The following BTBD9 variants were observed in gnomAD, a reference collection of about 807,000 sequenced individuals.
BTBD9 encodes the protein BTB/POZ domain-containing protein 9.
Under a neutral mutation model 64.3 loss-of-function variants are expected in BTBD9, and 49 were observed. That is an observed-to-expected ratio of 0.76 (90% confidence interval 0.61 to 0.97). BTBD9 has a LOEUF of 0.97. Among genes scored for constraint, BTBD9 ranks in the 50% least tolerant of loss-of-function variants. BTBD9 has a pLI of 0.00. For missense variants in BTBD9, 598 were observed against 762.1 expected (o/e 0.78, Z 2.53); for synonymous variants, 260 against 274.7 (o/e 0.95, Z 0.53).
chr6:38,383,702 A>G (rs1361354914), intron 6 of BTBD9, among the ~76,000 whole-genome samples: 1 of 152,250 alleles, frequency 6.6e-6, no homozygotes, highest in Non-Finnish European at 1.5e-5. Context: ...GTATACAAGG[A>G]TCGAACCTTA....
Position 38,604,037 on chromosome 6 carries a change from G to C in BTBD9, c.-27-5916C>G, listed in dbSNP as rs117191607. The stretch of plus-strand genomic sequence containing the variant: ...TTCTCTTGATATATACTCTACCCCT[G>C]TCATCCAAAAGTCTAAGGAACAGGT... On this transcript the variant is annotated intron_variant, in intron 1 of 10. Transcript: ENST00000481247. Among the ~76,000 whole-genome samples, 5 of 152,104 alleles carry C rather than the reference G, an allele frequency of 3.3e-5. No individual in the cohort carries two copies. The East Asian group carries it at 9.7e-4, about 29-fold the overall frequency.
At position 38,253,571 on chromosome 6, in the gene BTBD9, A is replaced by C. The variant is rs142738591; in HGVS notation, c.1562+2838T>G. 1.5e-3 allele frequency among the ~76,000 whole-genome samples: 233 copies of C among 152,326 alleles called. 1 individual carries two copies. Among genetic ancestry groups the C allele is most frequent in the African/African-American group, 5.2e-3 (216 of 41,564 alleles). ...AACCTTTAACAGAGGGACATAAAAG[A>C]GAAGAGGAATCCAGTTTACAACAAT... On this transcript the variant is annotated intron_variant, in intron 9 of 10. Transcript: ENST00000481247.
chr6:38,276,676 C>T (rs565706126), intron 8 of BTBD9, among the ~76,000 whole-genome samples: 1 of 152,152 alleles, frequency 6.6e-6, no homozygotes, highest in East Asian at 1.9e-4. Context: ...AACAAAAAAC[C>T]AACCATGTTA....
At chr6:38,449,737 T>C (rs1182271450) in intron 6 of BTBD9, among the ~76,000 whole-genome samples, 1 of 151,944 alleles carries the variant, frequency 6.6e-6, no homozygotes, top group Non-Finnish European at 1.5e-5. Context: ...AGACCTCATC[T>C]CTATTTTTTT....
chr6:38,363,223 G>A lies in BTBD9; in HGVS notation c.1155-18130C>T, dbSNP rs1765043422. 4.6e-5 allele frequency among the ~76,000 whole-genome samples: 7 copies of A among 152,202 alleles called. 1 individual carries two copies. In the South Asian group the frequency reaches 1.5e-3, roughly 32 times the overall value. ...CCTGTTTCAGCCTCCAGCATAGCTG[G>A]GACTACAGGTATGCACCACTGCACT... On this transcript the variant is annotated intron_variant, in intron 6 of 10. Coordinates refer to ENST00000481247, the MANE Select transcript of BTBD9 (RefSeq NM_001099272.2).
intron 6 of BTBD9, among the ~76,000 whole-genome samples, chr6:38,372,107 C>T (rs1210810186): frequency 6.6e-6 from 1 of 152,190 alleles, no homozygotes; most frequent in Non-Finnish European, 1.5e-5. Context: ...CATAATTCAC[C>T]ATCTCCTGGG....
chr6:38,562,064 A>C (rs1775288450), intron 6 of BTBD9, among the ~76,000 whole-genome samples: 1 of 152,234 alleles, frequency 6.6e-6, no homozygotes. Context: ...TATTTTTCTT[A>C]AGAAGCCAAA....
chr6:38,416,980 A>C (rs1767697709), intron 6 of BTBD9, among the ~76,000 whole-genome samples: 1 of 152,008 alleles, frequency 6.6e-6, no homozygotes, highest in South Asian at 2.1e-4. Flanking sequence ...CCTGTTGCCC[A>C]GGCTGGAGTG....
chr6:38,177,095 C>G (rs1761300607), intron 10 of BTBD9, among the ~76,000 whole-genome samples: 1 of 152,226 alleles, frequency 6.6e-6, no homozygotes, highest in South Asian at 2.1e-4. Context: ...GACACAGGAG[C>G]TCTTTATCCG....
At chr6:38,339,215 C>T (rs1764012669) in intron 7 of BTBD9, among the ~76,000 whole-genome samples, 1 of 152,156 alleles carries the variant, frequency 6.6e-6, no homozygotes, top group African/African-American at 2.4e-5. Context: ...CCAAACGGTT[C>T]ATCAATAGAA....
At position 38,598,088 on chromosome 6, in the gene BTBD9, T is replaced by C. The variant is rs1456223247; in HGVS notation, c.7A>G (p.Asn3Asp). ...GTAAAGGGGCGAAGAGGGTGGCTGTTACTCATCTTGTGGAATAGACGATAG... is the reference window on the plus strand; with the variant it reads ...GTAAAGGGGCGAAGAGGGTGGCTGTCACTCATCTTGTGGAATAGACGATAG... MSNSHPLRPFTAV... is the reference protein window; with the variant it reads MSDSHPLRPFTAV... The change falls in exon 2 of 11, where the codon AAC becomes GAC. Residue 3 changes from asparagine to aspartate, a missense_variant. Asn to Asp is a conservative substitution (Grantham distance 23). Coordinates refer to ENST00000481247, the MANE Select transcript of BTBD9 (RefSeq NM_001099272.2). The C allele has an allele frequency of 4.3e-6, 7 of 1,612,780 alleles. No individual in the cohort carries two copies.
chr6:38,433,987 G>A (rs1484766029), intron 6 of BTBD9, among the ~76,000 whole-genome samples: 5 of 151,866 alleles, frequency 3.3e-5, no homozygotes, highest in Admixed American at 6.5e-5. Flanking sequence ...GGGGTCTGGC[G>A]AGTCATGCTC....
rs372872066 is a variant in BTBD9 at position 38,555,793 on chromosome 6, A to G, written c.1154+21807T>C. On this transcript the variant is annotated intron_variant, in intron 6 of 10. Transcript: ENST00000481247. ...GAATTTTATTTGCCAATGGCTTCGT[A>G]TGTCAGTCTGGCAGCTTTTCAACCT... is the stretch of plus-strand genomic sequence containing the variant. 1.6e-4 allele frequency among the ~76,000 whole-genome samples: 25 copies of G among 152,318 alleles called. 1 individual carries two copies. The highest frequency in any genetic ancestry group is 5.8e-4 in the African/African-American group (24 of 41,582).
At chr6:38,456,216 G>A (rs1769799457) in intron 6 of BTBD9, among the ~76,000 whole-genome samples, 1 of 152,156 alleles carries the variant, frequency 6.6e-6, no homozygotes. Context: ...TCAAACTCCT[G>A]ACCTCAAGTG....
At chr6:38,627,669 T>G (rs1333164108) in intron 1 of BTBD9, among the ~76,000 whole-genome samples, 1 of 152,118 alleles carries the variant, frequency 6.6e-6, no homozygotes, top group African/African-American at 2.4e-5. Flanking sequence ...GCGACTTAAT[T>G]TCCACTGTAA....
At chr6:38,503,113 A>G (rs1225921432) in intron 6 of BTBD9, among the ~76,000 whole-genome samples, 3 of 151,916 alleles carry the variant, frequency 2.0e-5, no homozygotes, top group African/African-American at 7.3e-5. Context: ...AGCCCTCACT[A>G]TCTCCTCATG....
chr6:38,415,367 G>A (rs976688468), intron 6 of BTBD9, among the ~76,000 whole-genome samples: 1 of 152,158 alleles, frequency 6.6e-6, no homozygotes, highest in Non-Finnish European at 1.5e-5. Flanking sequence ...TTTGAAGAGG[G>A]AAGGGAGCCA....
rs907633193 is a variant in BTBD9, at chr6:38,176,955, A to G, written c.1642-1773T>C. 4.6e-5 allele frequency among the ~76,000 whole-genome samples: 7 copies of G among 152,130 alleles called. No homozygotes were observed. In the South Asian group the frequency reaches 1.0e-3, roughly 23 times the overall value. On this transcript the variant is annotated intron_variant, in intron 10 of 10. Coordinates refer to ENST00000481247, the MANE Select transcript of BTBD9 (RefSeq NM_001099272.2). ...AGTCCCGGTCCTCAACACCCCCCCC[A>G]CTAAAGCTTCTCATAACCCAGCAAA...
chr6:38,300,296 C>A (rs1402149053), intron 7 of BTBD9, among the ~76,000 whole-genome samples: 1 of 152,144 alleles, frequency 6.6e-6, no homozygotes, highest in African/African-American at 2.4e-5. Context: ...TAGCGTGATG[C>A]CTCCAGCTTT....
Sources: allele counts gnomAD v4.1 joint callset (sites outside exome capture counted in the v4.1 genomes callset), GRCh38; gene constraint gnomAD v4.1.1; transcripts MANE v1.5; gene names NCBI Gene and HGNC (gene_info 2026-07-23, HGNC 2026-07-21).